Variants in GABRA2 observed in about 807,000 individuals in gnomAD.
GABRA2 encodes the protein gamma-aminobutyric acid type A receptor subunit alpha2, also known as gamma-aminobutyric acid receptor subunit alpha-2.
GABRA2 carries 16 observed loss-of-function variants against 48.7 expected under a neutral mutation model. That is an observed-to-expected ratio of 0.33 (90% CI 0.22 to 0.50). The LOEUF is 0.50. GABRA2 is among the 20% of genes least tolerant of loss of function. GABRA2 has a pLI of 0.98. For synonymous variants in GABRA2, 185 were observed against 184.5 expected (o/e 1.00, Z -0.02); for missense variants, 275 against 535.6 (o/e 0.51, Z 4.80).
intron 3 of GABRA2, among the ~76,000 whole-genome samples, chr4:46,377,662 C>G (rs565080977): frequency 6.8e-6 from 1 of 148,040 alleles, no homozygotes; most frequent in East Asian, 2.1e-4. Context: ...GGCGCCTCTG[C>G]CCGGCCGCCC....
At chr4:46,388,361 C>A (rs1717763628) in intron 2 of GABRA2, among the ~76,000 whole-genome samples, 1 of 152,186 alleles carries the variant, frequency 6.6e-6, no homozygotes, top group Non-Finnish European at 1.5e-5. Flanking sequence ...TTAATCACTT[C>A]AATTCCTTGT....
intron 2 of GABRA2, among the ~76,000 whole-genome samples, chr4:46,387,136 G>T (rs1717571337): frequency 6.6e-6 from 1 of 151,538 alleles, no homozygotes; most frequent in Non-Finnish European, 1.5e-5. Flanking sequence ...GATTTAAATT[G>T]CTGGCCCCAA....
At chr4:46,314,078 G>C (rs59774668) in intron 4 of GABRA2, among the ~76,000 whole-genome samples, 1 of 151,962 alleles carries the variant, frequency 6.6e-6, no homozygotes, top group South Asian at 2.1e-4. Flanking sequence ...CCTAGTGAGC[G>C]TGGGCTCACT....
At chr4:46,272,851 G>A (rs771654547) in intron 8 of GABRA2, among the ~76,000 whole-genome samples, 3 of 151,978 alleles carry the variant, frequency 2.0e-5, no homozygotes, top group Non-Finnish European at 4.4e-5. Context: ...ATCAAAGCCT[G>A]TTTGATTATG....
intron 8 of GABRA2, among the ~76,000 whole-genome samples, chr4:46,297,927 T>G (rs1441669410): frequency 6.6e-6 from 1 of 152,096 alleles, no homozygotes; most frequent in Non-Finnish European, 1.5e-5. Context: ...TTTGGTATGG[T>G]GTGTTTTCAT....
chr4:46,264,732 A>G (rs1043472075), intron 8 of GABRA2, among the ~76,000 whole-genome samples: 7 of 151,530 alleles, frequency 4.6e-5, no homozygotes, highest in Non-Finnish European at 8.8e-5. Context: ...CTTCTCATCT[A>G]TTTTCTGGAA....
chr4:46,322,667 A>T lies in GABRA2; in HGVS notation c.255+9948T>A, dbSNP rs191057544. Reference sequence around the variant, plus strand: ...CCTTCTTCAATGCTGTGTCACCGGCATCTAAAAAGCTACTTGGAACATAGG... The same window carrying T: ...CCTTCTTCAATGCTGTGTCACCGGCTTCTAAAAAGCTACTTGGAACATAGG... On this transcript the variant is annotated intron_variant, in intron 4 of 9. Coordinates refer to ENST00000381620, the MANE Select transcript of GABRA2 (RefSeq NM_000807.4). 3.5e-4 allele frequency among the ~76,000 whole-genome samples: 54 copies of T among 152,146 alleles called. No homozygotes were observed. In the Middle Eastern group the frequency reaches 0.014, roughly 38 times the overall value.
rs749596899 is a variant in GABRA2 at position 46,386,083 on chromosome 4, C to G, written c.178G>C (p.Gly60Arg). Residue 60 changes from glycine to arginine, a missense_variant, in exon 3 of 10, where the codon GGA becomes CGA. By Grantham distance (125) the Gly-to-Arg change is moderately radical. Transcript: ENST00000381620. ...GGAAAACTATTTTTACCTCCCAGTC[C>G]TGGTCTAAGCCGATTATCGTAACCA... The part of the protein sequence containing the change: ...LDGYDNRLRP[G>R]LGDSITEVFT... 1.2e-6 allele frequency: 2 copies of G among 1,603,560 alleles called. No homozygotes were observed. The highest frequency in any genetic ancestry group is 1.7e-6 in the Non-Finnish European group (2 of 1,171,528).
chr4:46,311,914 C>A (rs578188945), intron 5 of GABRA2, among the ~76,000 whole-genome samples: 1 of 152,120 alleles, frequency 6.6e-6, no homozygotes, highest in Non-Finnish European at 1.5e-5. Flanking sequence ...GCCTGGCCAA[C>A]ATGGCGAAAC....
At chr4:46,271,382 C>T (rs1719301613) in intron 8 of GABRA2, among the ~76,000 whole-genome samples, 1 of 152,000 alleles carries the variant, frequency 6.6e-6, no homozygotes, top group Non-Finnish European at 1.5e-5. Context: ...CTGAGCTATG[C>T]ATACTGCAGC....
chr4:46,289,203 G>T (rs1723118959), intron 8 of GABRA2, among the ~76,000 whole-genome samples: 1 of 152,174 alleles, frequency 6.6e-6, no homozygotes, highest in Non-Finnish European at 1.5e-5. Context: ...TCATTACTGG[G>T]TATATACCCA....
chr4:46,303,182 A>G, intron 8 of GABRA2: 1 of 344,420 alleles, frequency 2.9e-6, no homozygotes. Flanking sequence ...ACCTTGTGTA[A>G]ATATAGTACA....
intron 9 of GABRA2, among the ~76,000 whole-genome samples, chr4:46,253,806 T>C (rs1007126569): frequency 6.6e-6 from 1 of 151,416 alleles, no homozygotes; most frequent in Non-Finnish European, 1.5e-5. Context: ...TCTTCTCAAT[T>C]CCTAGTCTCA....
At chr4:46,355,639 T>C (rs1735836997) in intron 3 of GABRA2, among the ~76,000 whole-genome samples, 1 of 152,230 alleles carries the variant, frequency 6.6e-6, no homozygotes, top group Admixed American at 6.5e-5. Context: ...GTAGCAATTC[T>C]GATTCTCCCT....
rs117431228 is a variant in GABRA2 at position 46,291,653 on chromosome 4, C to T, written c.856+11807G>A. On this transcript the variant is annotated intron_variant, in intron 8 of 9. Coordinates refer to ENST00000381620, the MANE Select transcript of GABRA2 (RefSeq NM_000807.4). ...CTGAACACTGTCTGCCCTCAAATTT[C>T]GCACCCCAAGTTCTTCAGCTTTGGG... Among the ~76,000 whole-genome samples the T allele has an allele frequency of 4.5e-3, 687 of 152,036 alleles. 16 individuals carry two copies. Among genetic ancestry groups the T allele is most frequent in the Admixed American group, 0.034 (512 of 15,266 alleles).
chr4:46,249,124 A>G lies in GABRA2; in HGVS notation c.*1184T>C, dbSNP rs912090283. On this transcript the variant is annotated 3_prime_UTR_variant, in exon 10 of 10. Coordinates refer to ENST00000381620, the MANE Select transcript of GABRA2 (RefSeq NM_000807.4). ...GATGTTTTAAAGTTGCAGTGTAAAA[A>G]TGTTCAACCCTTACCAAAACCTCTT... 6.6e-6 allele frequency: 1 copy of G among 150,446 alleles called. No individual in the cohort carries two copies. Among genetic ancestry groups the G allele is most frequent in the Non-Finnish European group, 1.5e-5 (1 of 67,438 alleles). The allele number at this position is 150,446 out of a possible 1,614,324, so 9.3% of individuals were successfully genotyped here.
intron 3 of GABRA2, among the ~76,000 whole-genome samples, chr4:46,357,110 T>C (rs944749896): frequency 6.6e-6 from 1 of 151,930 alleles, no homozygotes; most frequent in Non-Finnish European, 1.5e-5. Flanking sequence ...CCTTTCTGAC[T>C]GCACTACTGG....
At chr4:46,274,978 C>A (rs1306420429) in intron 8 of GABRA2, among the ~76,000 whole-genome samples, 1 of 152,058 alleles carries the variant, frequency 6.6e-6, no homozygotes, top group Non-Finnish European at 1.5e-5. Flanking sequence ...AATTGCACTG[C>A]TTAAATGGAT....
intron 9 of GABRA2, among the ~76,000 whole-genome samples, chr4:46,259,044 T>G (rs1401173568): frequency 6.6e-6 from 1 of 151,802 alleles, no homozygotes; most frequent in African/African-American, 2.4e-5. Context: ...ATTAAGCATA[T>G]TAAGCATCTT....
Sources: allele counts gnomAD v4.1 joint callset (sites outside exome capture counted in the v4.1 genomes callset), GRCh38; gene constraint gnomAD v4.1.1; transcripts MANE v1.5; gene names NCBI Gene and HGNC (gene_info 2026-07-23, HGNC 2026-07-21).